The following REPS2 variants were observed in gnomAD, a reference collection of about 807,000 sequenced individuals.
REPS2 encodes the protein RALBP1 associated Eps domain containing 2, also known as ralBP1-associated Eps domain-containing protein 2.
In REPS2, 23 loss-of-function variants were observed where a neutral mutation model predicts 53.6. The ratio of observed to expected loss-of-function variants is 0.43; its 90% CI spans 0.31 to 0.61. The LOEUF is 0.61. Among genes scored for constraint, REPS2 ranks in the 20% least tolerant of loss-of-function variants. The pLI is 0.11. For missense variants in REPS2, 446 were observed against 534.9 expected (o/e 0.83, Z 1.64); for synonymous variants, 238 against 218.6 (o/e 1.09, Z -0.78).
In REPS2 at chrX:17,006,284, C is replaced by G. The variant is rs1244950395; in HGVS notation, c.337C>G (p.Leu113Val). Reference sequence around the variant, plus strand: ...TGGTCCAACACAGTTTTACATTGCCCTGAAATTAATTGCTGCAGCACAATC... The same window carrying G: ...TGGTCCAACACAGTTTTACATTGCCGTGAAATTAATTGCTGCAGCACAATC... ...YFGPTQFYIA[L>V]KLIAAAQSGL... The change falls in exon 2 of 18, where the codon CTG becomes GTG. Residue 113 changes from leucine (L) to valine (V), a missense_variant. Physicochemically the swap from Leu to Val is conservative, Grantham distance 32. Transcript: ENST00000357277. 7 of 1,208,035 alleles carry G rather than the reference C, an allele frequency of 5.8e-6. No individual in the cohort carries two copies. Among genetic ancestry groups the G allele is most frequent in the Non-Finnish European group, 7.8e-6 (7 of 893,295 alleles).
downstream of REPS2, among the ~76,000 whole-genome samples, chrX:17,154,893 C>T (rs766591517): frequency 9.0e-6 from 1 of 111,526 alleles, no homozygotes; most frequent in South Asian, 3.8e-4. Flanking sequence ...GTATTTAACT[C>T]AGATTATGAG....
At chrX:17,160,052 C>G in the REPS2 span, among the ~76,000 whole-genome samples, 1 of 112,528 alleles carries the variant, frequency 8.9e-6, no homozygotes, top group Non-Finnish European at 1.9e-5. Flanking sequence ...GTGACTTACC[C>G]AGGATCCTTG....
At chrX:17,024,197 G>A (rs1473814082) in intron 3 of REPS2, among the ~76,000 whole-genome samples, 1 of 109,206 alleles carries the variant, frequency 9.2e-6, no homozygotes, top group Non-Finnish European at 1.9e-5. Context: ...TGAGGTGGGA[G>A]GATTGCTTGA....
At chrX:16,968,941 C>T (rs1353670999) in intron 1 of REPS2, among the ~76,000 whole-genome samples, 34 of 109,042 alleles carry the variant, frequency 3.1e-4, no homozygotes, top group African/African-American at 8.7e-4. Flanking sequence ...GGGCGGCTGC[C>T]GGGCGGAGGG....
intron 7 of REPS2, among the ~76,000 whole-genome samples, chrX:17,052,836 G>A (rs2062021474): frequency 8.9e-6 from 1 of 111,814 alleles, no homozygotes; most frequent in Admixed American, 9.5e-5. Flanking sequence ...TATTTTATAA[G>A]GCTGAGTGAA....
chrX:17,056,937 T>C (rs1166340501), intron 8 of REPS2, among the ~76,000 whole-genome samples: 2 of 111,991 alleles, frequency 1.8e-5, no homozygotes, highest in African/African-American at 6.5e-5. Flanking sequence ...GAGTATAACA[T>C]ATGTATTAAT....
intron 11 of REPS2, 79 bp downstream of exon 11, chrX:17,070,072 T>C: frequency 2.3e-6 from 1 of 443,636 alleles, no homozygotes; most frequent in Non-Finnish European, 3.7e-6. Flanking sequence ...AGTAGAAGAT[T>C]GATACCTCTG....
At chrX:17,010,283 C>CT (rs2061412536) in intron 2 of REPS2, among the ~76,000 whole-genome samples, 1 of 112,318 alleles carries the variant, frequency 8.9e-6, no homozygotes, top group Non-Finnish European at 1.9e-5. Flanking sequence ...GGCTATTGTA[C>CT]TTTTTTCTAA....
chrX:17,105,445 G>T (rs990898388), intron 14 of REPS2, among the ~76,000 whole-genome samples: 5 of 112,431 alleles, frequency 4.4e-5, no homozygotes, highest in Non-Finnish European at 9.4e-5. Context: ...ACAAATGCCA[G>T]TAGTTACTAC....
chrX:17,015,579 A>G (rs779704743), intron 2 of REPS2, among the ~76,000 whole-genome samples: 19 of 105,333 alleles, frequency 1.8e-4, no homozygotes, highest in African/African-American at 5.9e-4. Context: ...ACCCCACAAC[A>G]GTCCCCGGTG....
intron 13 of REPS2, among the ~76,000 whole-genome samples, chrX:17,098,944 C>A (rs2062744293): frequency 2.7e-5 from 3 of 111,762 alleles, no homozygotes; most frequent in Admixed American, 9.5e-5. Flanking sequence ...AAAGGGTCTT[C>A]TAATTTCAGG....
the REPS2 span, among the ~76,000 whole-genome samples, chrX:17,166,453 A>G: frequency 2.7e-5 from 3 of 112,100 alleles, no homozygotes; most frequent in African/African-American, 9.7e-5. Flanking sequence ...CATTGACTTA[A>G]AAGGCTGAGG....
At chrX:17,182,037 A>C in the REPS2 span, among the ~76,000 whole-genome samples, 1 of 112,067 alleles carries the variant, frequency 8.9e-6, no homozygotes, top group Non-Finnish European at 1.9e-5. Context: ...ACTTTGCAAC[A>C]GCCTCAAGGA....
At chrX:16,992,576 G>A (rs1226762564) in intron 1 of REPS2, among the ~76,000 whole-genome samples, 1 of 111,788 alleles carries the variant, frequency 8.9e-6, no homozygotes, top group Non-Finnish European at 1.9e-5. Context: ...CCTTCCTTAT[G>A]TTTTTATTGC....
At chrX:17,016,869 A>C (rs1486461244) in intron 2 of REPS2, among the ~76,000 whole-genome samples, 1 of 108,524 alleles carries the variant, frequency 9.2e-6, no homozygotes, top group Non-Finnish European at 1.9e-5. Flanking sequence ...AAGATAAATA[A>C]ATTCATGTCC....
intron 1 of REPS2, among the ~76,000 whole-genome samples, chrX:16,948,798 A>G (rs1301961927): frequency 8.9e-6 from 1 of 112,112 alleles, no homozygotes; most frequent in Non-Finnish European, 1.9e-5. Context: ...TTTGATGTCC[A>G]GTTGAAATCT....
At chrX:16,954,805 C>CT (rs58924467) in intron 1 of REPS2, among the ~76,000 whole-genome samples, 1,086 of 59,272 alleles carry the variant, frequency 0.018, 43 homozygotes, top group African/African-American at 0.037. Context: ...TTATTTATAA[C>CT]TTTTTTTTTT....
chrX:17,017,851 T>C (rs890677400), intron 2 of REPS2, among the ~76,000 whole-genome samples: 12 of 111,508 alleles, frequency 1.1e-4, no homozygotes, highest in Non-Finnish European at 1.5e-4. Context: ...AATTGAGGTA[T>C]GCAAGGAGGG....
At position 17,149,193 on chromosome X, in the gene REPS2, G is replaced by A. The variant is rs377413310; in HGVS notation, c.*1712G>A. ...GCCTTTTTTGTTTTTGTGGGGGAAG[G>A]GTTGGGAGTAAGTTTAAACTCTTCC... On this transcript the variant is annotated 3_prime_UTR_variant, in exon 18 of 18. Transcript: ENST00000357277. 1.3e-4 allele frequency: 30 copies of A among 239,961 alleles called. No homozygotes were observed. Among genetic ancestry groups the A allele is most frequent in the East Asian group, 1.2e-3 (10 of 8,621 alleles). 19.8% of individuals were successfully genotyped at this position (239,961 alleles called of 1,213,427 possible).
Sources: gnomAD v4.1 joint callset for allele counts (sites outside exome capture counted in the v4.1 genomes callset) on GRCh38, gnomAD v4.1.1 for gene constraint, MANE v1.5 for transcripts, NCBI Gene and HGNC (gene_info 2026-07-23, HGNC 2026-07-21) for gene names.